Variants in PTGER3 observed in about 807,000 individuals in gnomAD.
PTGER3 encodes prostaglandin E receptor 3, also known as prostaglandin E2 receptor EP3 subtype.
In PTGER3, 22 loss-of-function variants were observed where a neutral mutation model predicts 34.7. The observed-to-expected ratio is 0.63, with a 90% CI of 0.45 to 0.91. The LOEUF is 0.91. Among genes scored for constraint, PTGER3 ranks in the 40% least tolerant of loss-of-function variants. PTGER3 has a pLI of 0.00. For missense variants in PTGER3, 468 were observed against 519.4 expected, an observed-to-expected ratio of 0.90 and a Z score of 0.96; for synonymous variants, 241 against 230.1, an observed-to-expected ratio of 1.05 and a Z score of -0.43.
intron 2 of PTGER3, among the ~76,000 whole-genome samples, chr1:70,959,632 A>T (rs1347747542): frequency 6.6e-6 from 1 of 152,118 alleles, no homozygotes; most frequent in Admixed American, 6.5e-5. Flanking sequence ...AACTGCTGAG[A>T]TTACAGGCAT....
intron 3 of PTGER3, among the ~76,000 whole-genome samples, chr1:70,973,394 G>A (rs1372473916): frequency 5.9e-5 from 9 of 152,166 alleles, no homozygotes; most frequent in East Asian, 5.8e-4. Flanking sequence ...TTCTTATCCT[G>A]TAAGTGGCAC....
At chr1:71,001,794 C>T (rs74087146) in intron 2 of PTGER3, among the ~76,000 whole-genome samples, 1,734 of 152,264 alleles carry the variant, frequency 0.011, 41 homozygotes, top group African/African-American at 0.039. Context: ...GTGACAAGAA[C>T]CAGCTTTCTA....
Position 71,009,134 on chromosome 1 carries a change from C to A in PTGER3, c.1077+3171G>T. 4 of 985,040 alleles carry A rather than the reference C, an allele frequency of 4.1e-6. No individual in the cohort carries two copies. In the South Asian group the frequency reaches 1.4e-4, roughly 35 times the overall value. The allele number at this position is 985,040 out of a possible 1,614,324, so 61.0% of individuals were successfully genotyped here. On this transcript the variant is annotated intron_variant, in intron 2 of 3. Transcript: ENST00000306666. ...AAAAAGCGTTGAATAAATAAAAAGCCTAATCTACTTGAAAATCCAATATTA... is the reference window on the plus strand; with the variant it reads ...AAAAAGCGTTGAATAAATAAAAAGCATAATCTACTTGAAAATCCAATATTA...
chr1:71,007,085 G>T (rs1657034092), intron 2 of PTGER3: 1 of 984,480 alleles, frequency 1.0e-6, no homozygotes, highest in Non-Finnish European at 1.2e-6. Context: ...TTACATAGAG[G>T]TGATAAAAGA....
chr1:71,039,665 A>AG (rs1660132867), intron 1 of PTGER3, among the ~76,000 whole-genome samples: 2 of 89,782 alleles, frequency 2.2e-5, no homozygotes, highest in African/African-American at 3.1e-5. Context: ...AAAAAAAAAA[A>AG]AAAAAGAAAA....
At chr1:70,954,239 A>G (rs770247807) in intron 2 of PTGER3, among the ~76,000 whole-genome samples, 9 of 152,080 alleles carry the variant, frequency 5.9e-5, no homozygotes, top group Non-Finnish European at 1.3e-4. Flanking sequence ...TCTCACCTGA[A>G]CCCAGGCTGG....
At chr1:70,972,153 C>G (rs966528667) in intron 3 of PTGER3, among the ~76,000 whole-genome samples, 1 of 151,948 alleles carries the variant, frequency 6.6e-6, no homozygotes, top group Non-Finnish European at 1.5e-5. Flanking sequence ...TGGTGAAACC[C>G]CATCTCTACT....
intron 2 of PTGER3, among the ~76,000 whole-genome samples, chr1:70,988,208 GTGATC>G (rs1383278214): frequency 6.6e-6 from 1 of 151,960 alleles, no homozygotes; most frequent in Non-Finnish European, 1.5e-5. Context: ...CATAGTAACT[GTGATC>G]TTCAGGCAAA....
chr1:70,854,620 C>G (rs1645760648), intron 4 of PTGER3, among the ~76,000 whole-genome samples: 1 of 152,160 alleles, frequency 6.6e-6, no homozygotes, highest in African/African-American at 2.4e-5. Flanking sequence ...GGTCTCTATC[C>G]TGCTGCACCA....
chr1:71,008,441 A>G, intron 2 of PTGER3: 1 of 893,144 alleles, frequency 1.1e-6, no homozygotes, highest in Non-Finnish European at 1.3e-6. Context: ...TTTAGGAATT[A>G]TAAAAGGGAA....
chr1:70,880,422 G>GC (rs1162906680), intron 4 of PTGER3, among the ~76,000 whole-genome samples: 1 of 150,618 alleles, frequency 6.6e-6, no homozygotes, highest in Middle Eastern at 3.2e-3. Flanking sequence ...GGGCGAGGCA[G>GC]CTCAGGCCTG....
chr1:71,008,503 T>C (rs890146013), intron 2 of PTGER3: 23 of 926,320 alleles, frequency 2.5e-5, no homozygotes, highest in Non-Finnish European at 3.0e-5. Flanking sequence ...CACCACCTAG[T>C]TAGTTTCCTT....
chr1:71,024,148 T>G (rs1297965798), intron 1 of PTGER3, among the ~76,000 whole-genome samples: 1 of 152,176 alleles, frequency 6.6e-6, no homozygotes, highest in Non-Finnish European at 1.5e-5. Context: ...CCCTCATGCA[T>G]CAGTATTCCA....
intron 4 of PTGER3, among the ~76,000 whole-genome samples, chr1:70,934,127 A>G (rs567340294): frequency 8.5e-5 from 13 of 152,160 alleles, no homozygotes; most frequent in Non-Finnish European, 1.8e-4. Context: ...TTCTTATTTA[A>G]TTATCTTGAC....
At chr1:71,040,075 G>A (rs1660170853) in intron 1 of PTGER3, among the ~76,000 whole-genome samples, 1 of 149,162 alleles carries the variant, frequency 6.7e-6, no homozygotes, top group Non-Finnish European at 1.5e-5. Flanking sequence ...AAGAGAGGGA[G>A]GGAGGGAAGA....
chr1:71,046,656 T>C, intron 1 of PTGER3, 25 bp downstream of exon 1: 3 of 1,517,874 alleles, frequency 2.0e-6, no homozygotes, highest in Non-Finnish European at 1.8e-6. Flanking sequence ...GCATCCTGAC[T>C]TCCCCCAACC....
At chr1:70,992,491 C>T (rs539453706) in intron 2 of PTGER3, among the ~76,000 whole-genome samples, 1 of 152,318 alleles carries the variant, frequency 6.6e-6, no homozygotes, top group East Asian at 1.9e-4. Flanking sequence ...GAACCCTTCA[C>T]CCCTTACTAA....
At chr1:70,864,357 C>G (rs896667395) in intron 4 of PTGER3, among the ~76,000 whole-genome samples, 6 of 152,302 alleles carry the variant, frequency 3.9e-5, no homozygotes, top group African/African-American at 7.2e-5. Flanking sequence ...GTCTTGTTTA[C>G]AGCAGTTATC....
At chr1:70,866,345 A>G (rs1283756449) in intron 4 of PTGER3, among the ~76,000 whole-genome samples, 1 of 152,172 alleles carries the variant, frequency 6.6e-6, no homozygotes, top group Admixed American at 6.5e-5. Flanking sequence ...GTTGGTCTCA[A>G]TGAAAGCCTT....
Sources: gnomAD v4.1 joint callset for allele counts (sites outside exome capture counted in the v4.1 genomes callset) on GRCh38, gnomAD v4.1.1 for gene constraint, MANE v1.5 for transcripts, NCBI Gene and HGNC (gene_info 2026-07-23, HGNC 2026-07-21) for gene names.